Variants in MACROD2 observed in about 807,000 individuals in gnomAD.
MACROD2 encodes ADP-ribose glycohydrolase MACROD2.
In MACROD2, 36 loss-of-function variants were observed where a neutral mutation model predicts 70.4. The ratio of observed to expected loss-of-function variants is 0.51; its 90% CI spans 0.39 to 0.68. The LOEUF (loss-of-function observed/expected upper bound fraction) is 0.68. MACROD2 is among the 30% of genes least tolerant of loss of function. MACROD2 has a pLI of 0.00. For missense variants in MACROD2, 496 were observed against 538.4 expected (o/e 0.92, Z 0.78); for synonymous variants, 172 against 178.8 (o/e 0.96, Z 0.30).
intron 1 of MACROD2, among the ~76,000 whole-genome samples, chr20:14,001,654 A>G (rs1156776071): frequency 6.6e-6 from 1 of 152,184 alleles, no homozygotes; most frequent in East Asian, 1.9e-4. Flanking sequence ...CAACACAAGG[A>G]TAGCATTGGC....
chr20:14,823,703 G>T lies in MACROD2; in HGVS notation c.418+138744G>T, dbSNP rs924769179. On this transcript the variant is annotated intron_variant, in intron 5 of 17. Coordinates refer to ENST00000684519, the MANE Select transcript of MACROD2 (RefSeq NM_001351661.2). ...ATTCACATGACCATACCTTGCTGAC[G>T]GGAAGGCTTGGGATGCTAGAACTGT... Among the ~76,000 whole-genome samples, 3 of 152,110 alleles carry T rather than the reference G, an allele frequency of 2.0e-5. 1 individual carries two copies. The highest frequency in any genetic ancestry group is 7.2e-5 in the African/African-American group (3 of 41,426).
intron 5 of MACROD2, among the ~76,000 whole-genome samples, chr20:15,182,810 A>G (rs2076509622): frequency 6.6e-6 from 1 of 151,734 alleles, no homozygotes; most frequent in Admixed American, 6.5e-5. Flanking sequence ...GAGGTACTCT[A>G]TTTAGGATGT....
At chr20:14,320,925 T>C (rs756305916) in intron 3 of MACROD2, among the ~76,000 whole-genome samples, 2 of 152,158 alleles carry the variant, frequency 1.3e-5, no homozygotes, top group Admixed American at 1.3e-4. Flanking sequence ...ACCTATCCTA[T>C]CTCCTTCATG....
At chr20:15,475,765 A>G (rs1322217482) in intron 7 of MACROD2, among the ~76,000 whole-genome samples, 7 of 152,224 alleles carry the variant, frequency 4.6e-5, no homozygotes, top group African/African-American at 1.7e-4. Context: ...TCCTCAGAGA[A>G]GAGTGCACTG....
At chr20:14,793,666 G>T (rs932682091) in intron 5 of MACROD2, among the ~76,000 whole-genome samples, 2 of 151,984 alleles carry the variant, frequency 1.3e-5, no homozygotes, top group Non-Finnish European at 1.5e-5. Flanking sequence ...AGACATTCGC[G>T]TTATCAGATT....
At chr20:14,412,779 A>G (rs973297238) in intron 3 of MACROD2, among the ~76,000 whole-genome samples, 3 of 152,206 alleles carry the variant, frequency 2.0e-5, no homozygotes, top group African/African-American at 7.2e-5. Flanking sequence ...AACTATTGTC[A>G]TCAAACCTCT....
At chr20:15,838,546 A>C (rs960862442) in intron 8 of MACROD2, among the ~76,000 whole-genome samples, 1 of 152,140 alleles carries the variant, frequency 6.6e-6, no homozygotes, top group Non-Finnish European at 1.5e-5. Flanking sequence ...TCACTTCATT[A>C]TTCTTCAGCA....
intron 6 of MACROD2, among the ~76,000 whole-genome samples, chr20:15,324,042 C>T (rs2077900900): frequency 6.6e-6 from 1 of 152,052 alleles, no homozygotes; most frequent in Non-Finnish European, 1.5e-5. Flanking sequence ...GGAACAAGAT[C>T]TCTACAATGA....
At position 15,390,655 on chromosome 20, in the gene MACROD2, C is replaced by T. The variant is rs184265744; in HGVS notation, c.541-40750C>T. ...ACAGAAAGCTAAAGAACTTAGCTTC[C>T]ATTTTGGGGGGAAAATAAAAGTTCC... On this transcript the variant is annotated intron_variant, in intron 6 of 17. Coordinates refer to ENST00000684519, the MANE Select transcript of MACROD2 (RefSeq NM_001351661.2). Among the ~76,000 whole-genome samples, 23 of 152,072 alleles carry T rather than the reference C, an allele frequency of 1.5e-4. 1 individual carries two copies. The East Asian group carries it at 4.3e-3, about 28-fold the overall frequency.
At chr20:15,216,968 G>C (rs1422221269) in intron 5 of MACROD2, among the ~76,000 whole-genome samples, 1 of 152,120 alleles carries the variant, frequency 6.6e-6, no homozygotes, top group Non-Finnish European at 1.5e-5. Context: ...ACAGCATTCA[G>C]AATTGAGAAC....
chr20:14,711,985 A>G (rs940044284), intron 5 of MACROD2, among the ~76,000 whole-genome samples: 1 of 152,178 alleles, frequency 6.6e-6, no homozygotes, highest in African/African-American at 2.4e-5. Context: ...ACTTTTTCAC[A>G]TCAGAGGTTT....
chr20:14,590,591 G>A (rs1199665185), intron 4 of MACROD2, among the ~76,000 whole-genome samples: 4 of 151,866 alleles, frequency 2.6e-5, no homozygotes, highest in African/African-American at 7.3e-5. Context: ...TCATTTGTCT[G>A]TTATTTACTT....
intron 5 of MACROD2, chr20:14,888,198 G>T (rs41275412): frequency 0.14 from 21,984 of 152,130 alleles, 1,923 homozygotes; most frequent in East Asian, 0.22. Context: ...CATGTTGTCA[G>T]CTGCGTTTTC....
chr20:14,443,366 G>A (rs999324026), intron 3 of MACROD2, among the ~76,000 whole-genome samples: 5 of 148,800 alleles, frequency 3.4e-5, no homozygotes, highest in Admixed American at 2.0e-4. Flanking sequence ...GCATAATCTC[G>A]GCTCACTGCA....
At chr20:14,287,700 G>C (rs987983007) in intron 3 of MACROD2, among the ~76,000 whole-genome samples, 1 of 152,160 alleles carries the variant, frequency 6.6e-6, no homozygotes, top group Admixed American at 6.5e-5. Flanking sequence ...GCCAGGGCTA[G>C]ATTCTCATTT....
chr20:14,966,772 C>G (rs948244045), intron 5 of MACROD2, among the ~76,000 whole-genome samples: 1 of 151,696 alleles, frequency 6.6e-6, no homozygotes, highest in Admixed American at 6.6e-5. Flanking sequence ...GTTGCATATA[C>G]AAACAATTCA....
At chr20:14,165,803 G>A (rs967835843) in intron 3 of MACROD2, among the ~76,000 whole-genome samples, 2 of 152,052 alleles carry the variant, frequency 1.3e-5, no homozygotes, top group Non-Finnish European at 2.9e-5. Context: ...AAAATCCCTC[G>A]GTTATCAGTG....
At chr20:14,815,270 A>G (rs2072760837) in intron 5 of MACROD2, among the ~76,000 whole-genome samples, 1 of 152,078 alleles carries the variant, frequency 6.6e-6, no homozygotes, top group African/African-American at 2.4e-5. Flanking sequence ...TATTTCAACT[A>G]TGTAACAAAG....
In MACROD2 at chr20:14,326,793, A is replaced by G; in HGVS notation, c.272-166686A>G. On this transcript the variant is annotated intron_variant, in intron 3 of 17. Coordinates refer to ENST00000684519, the MANE Select transcript of MACROD2 (RefSeq NM_001351661.2). The surrounding 1 kb of genome is among the most constrained non-coding windows in gnomAD (Gnocchi z 5.5). ...TGCCTGGAAGGTTTACTGGTGCAGC[A>G]GTCAGGGAATTCCGCACCAGGGACA... is the stretch of plus-strand genomic sequence containing the variant. 6.2e-7 allele frequency: 1 copy of G among 1,613,834 alleles called. No homozygotes were observed. The highest frequency in any genetic ancestry group is 8.5e-7 in the Non-Finnish European group (1 of 1,179,830).
Sources: allele counts gnomAD v4.1 joint callset (sites outside exome capture counted in the v4.1 genomes callset), GRCh38; gene constraint gnomAD v4.1.1; non-coding constraint Gnocchi (gnomAD v3.1); transcripts MANE v1.5; gene names NCBI Gene and HGNC (gene_info 2026-07-23, HGNC 2026-07-21).